UTY: variants seen among roughly 807,000 people sequenced by gnomAD.
UTY encodes the protein histone demethylase UTY.
Under a neutral mutation model 32.5 loss-of-function variants are expected in UTY, and 12 were observed. The ratio of observed to expected loss-of-function variants is 0.37; its 90% CI spans 0.24 to 0.60. The LOEUF (loss-of-function observed/expected upper bound fraction) is 0.60, where lower values mean the gene tolerates loss of function less well. UTY is among the 20% of genes least tolerant of loss of function. The probability of loss-of-function intolerance (pLI) is 0.69; values close to 1 mark genes in which losing one functional copy is unlikely to be tolerated. For synonymous variants in UTY, 131 were observed against 103.4 expected, an observed-to-expected ratio of 1.27 and a Z score of -1.62; for missense variants, 303 against 299.2, an observed-to-expected ratio of 1.01 and a Z score of -0.09.
chrY:13,330,911 C>T, intron 18 of UTY, among the ~76,000 whole-genome samples: 2 of 33,349 alleles, frequency 6.0e-5, no homozygotes, highest in Non-Finnish European at 1.5e-4. Flanking sequence ...TTCATCACAG[C>T]GCAGCCAAGA....
chrY:13,267,267 T>C (rs774193794), intron 27 of UTY, among the ~76,000 whole-genome samples: 1 of 33,615 alleles, frequency 3.0e-5, no homozygotes, highest in East Asian at 7.8e-4. Context: ...TTTACCAATA[T>C]GTAATGCCCT....
At chrY:13,274,412 G>A (rs992232067) in intron 27 of UTY, among the ~76,000 whole-genome samples, 3 of 32,761 alleles carry the variant, frequency 9.2e-5, no homozygotes, top group Non-Finnish European at 2.2e-4. Context: ...GTTCACGGGT[G>A]CAGCAAACCA....
intron 21 of UTY, among the ~76,000 whole-genome samples, chrY:13,312,379 C>T: frequency 1.9e-4 from 5 of 26,410 alleles, no homozygotes; most frequent in African/African-American, 3.0e-4. Context: ...GGCGACAGAG[C>T]GAGACTCCGT....
intron 25 of UTY, among the ~76,000 whole-genome samples, chrY:13,299,722 T>C: frequency 3.0e-5 from 1 of 33,651 alleles, no homozygotes; most frequent in African/African-American, 1.2e-4. Flanking sequence ...GAAAAATTAA[T>C]TGCAGGTGAA....
intron 6 of UTY, among the ~76,000 whole-genome samples, chrY:13,406,817 T>G: frequency 3.4e-5 from 1 of 29,788 alleles, no homozygotes; most frequent in Non-Finnish European, 8.1e-5. Context: ...ACATATAAGA[T>G]ATATATATAT....
At chrY:13,276,481 G>T in intron 27 of UTY, among the ~76,000 whole-genome samples, 1 of 33,557 alleles carries the variant, frequency 3.0e-5, no homozygotes, top group East Asian at 7.9e-4. Context: ...AAGCTGAGGC[G>T]GGCGGATCAC....
At chrY:13,454,289 A>G in intron 3 of UTY, among the ~76,000 whole-genome samples, 1 of 32,341 alleles carries the variant, frequency 3.1e-5, no homozygotes, top group Non-Finnish European at 7.5e-5. Flanking sequence ...AGATGTCTGT[A>G]TACTAATTTT....
At chrY:13,298,753 CAAAAAAAAAAAA>C (rs777647066) in intron 26 of UTY, among the ~76,000 whole-genome samples, 192 bp downstream of exon 26, 1 of 845 alleles carries the variant, frequency 1.2e-3, no homozygotes, top group Non-Finnish European at 2.3e-3. Flanking sequence ...GACTCCATCT[CAAAAAAAAAAAA>C]AAAAAAAAAA....
chrY:13,448,813 T>C (rs2076110770), intron 4 of UTY, among the ~76,000 whole-genome samples: 1 of 33,793 alleles, frequency 3.0e-5, no homozygotes, highest in Non-Finnish European at 7.4e-5. Flanking sequence ...AATAATTTTA[T>C]TTATATTAGG....
intron 4 of UTY, 65 bp from the exon 5 acceptor site, chrY:13,414,858 T>TA (rs2071483078): frequency 5.0e-6 from 1 of 198,021 alleles, no homozygotes; most frequent in East Asian, 1.3e-4. Context: ...TTACATATAT[T>TA]AATAAGAAGT....
At chrY:13,351,220 T>G in intron 17 of UTY, among the ~76,000 whole-genome samples, 1 of 32,663 alleles carries the variant, frequency 3.1e-5, no homozygotes, top group Admixed American at 2.9e-4. Flanking sequence ...TGCTAGTCCT[T>G]TCCTTCCACT....
At chrY:13,276,703 C>CA (rs2056712915) in intron 27 of UTY, among the ~76,000 whole-genome samples, 1 of 32,567 alleles carries the variant, frequency 3.1e-5, no homozygotes, top group Non-Finnish European at 7.5e-5. Flanking sequence ...GCCTGGGCAA[C>CA]AGAGCGAGAC....
intron 21 of UTY, among the ~76,000 whole-genome samples, chrY:13,310,916 G>A (rs2059003423): frequency 3.1e-5 from 1 of 31,756 alleles, no homozygotes; most frequent in Non-Finnish European, 7.6e-5. Context: ...GTGAAATCCC[G>A]TCTCTACTAA....
At chrY:13,469,756 A>G in intron 3 of UTY, among the ~76,000 whole-genome samples, 1 of 33,692 alleles carries the variant, frequency 3.0e-5, no homozygotes, top group Non-Finnish European at 7.3e-5. Context: ...CAAATGAGGA[A>G]ATACTGTTTT....
intron 4 of UTY, among the ~76,000 whole-genome samples, chrY:13,438,874 G>A (rs2074944859): frequency 3.1e-5 from 1 of 32,497 alleles, no homozygotes; most frequent in Non-Finnish European, 7.5e-5. Context: ...TGCTCAAAAG[G>A]CTGAGCTGAT....
chrY:13,316,916 C>G, intron 21 of UTY, among the ~76,000 whole-genome samples: 1 of 33,424 alleles, frequency 3.0e-5, no homozygotes, highest in Non-Finnish European at 7.4e-5. Context: ...AAAAGTCCAC[C>G]TTTTTGCAAG....
chrY:13,403,298 C>CT lies in UTY; in HGVS notation c.556-6327dup, dbSNP rs376540867. On this transcript the variant is annotated intron_variant, in intron 6 of 29. Coordinates refer to ENST00000545955, the MANE Select transcript of UTY (RefSeq NM_001258249.2). ...ATTCAGAAGAGTGCACAATTTAAAA[C>CT]TTTTTTTTTTTTTTGAGACAGAATC... 4.8e-3 allele frequency among the ~76,000 whole-genome samples: 132 copies of CT among 27,397 alleles called. No homozygotes were observed. In the East Asian group the frequency reaches 0.1, roughly 22 times the overall value. The allele number at this position is 27,397 out of a possible 37,273, so 73.5% of individuals were successfully genotyped here. A position where few individuals can be genotyped will look rare whatever the true frequency, so the allele number is the denominator to read the frequency against.
At chrY:13,458,569 G>T (rs2077052495) in intron 3 of UTY, among the ~76,000 whole-genome samples, 2 of 33,383 alleles carry the variant, frequency 6.0e-5, no homozygotes, top group Admixed American at 2.7e-4. Context: ...CTTCTTTTGA[G>T]AAGTGTCTGT....
chrY:13,476,376 G>A (rs2079050060), intron 2 of UTY, among the ~76,000 whole-genome samples: 1 of 33,288 alleles, frequency 3.0e-5, no homozygotes, highest in Non-Finnish European at 7.4e-5. Flanking sequence ...AGTTCTACAG[G>A]TTACAGGTTA....
Sources: allele counts gnomAD v4.1 joint callset (sites outside exome capture counted in the v4.1 genomes callset), GRCh38; gene constraint gnomAD v4.1.1; transcripts MANE v1.5; gene names NCBI Gene and HGNC (gene_info 2026-07-23, HGNC 2026-07-21).